OSBPL10: variants seen among roughly 807,000 people sequenced by gnomAD.
OSBPL10 encodes oxysterol-binding protein-related protein 10.
OSBPL10 carries 49 observed loss-of-function variants against 81.7 expected under a neutral mutation model. The observed-to-expected ratio is 0.60, with a 90% CI of 0.48 to 0.76. The LOEUF (loss-of-function observed/expected upper bound fraction) is 0.76. OSBPL10 is among the 30% of genes least tolerant of loss of function. The probability of loss-of-function intolerance (pLI) is 0.00; values close to 1 mark genes in which losing one functional copy is unlikely to be tolerated. For synonymous variants in OSBPL10, 419 were observed against 383.6 expected, an observed-to-expected ratio of 1.09 and a Z score of -1.08; for missense variants, 923 against 987.8, an observed-to-expected ratio of 0.93 and a Z score of 0.88.
At chr3:31,669,979 A>T (rs1452247349) in intron 9 of OSBPL10, among the ~76,000 whole-genome samples, 1 of 152,182 alleles carries the variant, frequency 6.6e-6, no homozygotes, top group Non-Finnish European at 1.5e-5. Flanking sequence ...TAACAACTGG[A>T]TCTCTAAAAG....
At chr3:31,765,903 G>C (rs1388711896) in intron 4 of OSBPL10, among the ~76,000 whole-genome samples, 1 of 152,086 alleles carries the variant, frequency 6.6e-6, no homozygotes, top group African/African-American at 2.4e-5. Flanking sequence ...AAGGAGAAGG[G>C]GATTTGTTGC....
intron 7 of OSBPL10, among the ~76,000 whole-genome samples, chr3:31,688,960 G>T (rs1330680381): frequency 6.6e-6 from 1 of 152,140 alleles, no homozygotes; most frequent in African/African-American, 2.4e-5. Flanking sequence ...CCTCCAGGAT[G>T]GGCCTTCAAA....
intron 1 of OSBPL10, among the ~76,000 whole-genome samples, chr3:31,882,449 C>T (rs1187318755): frequency 2.0e-5 from 3 of 152,174 alleles, no homozygotes; most frequent in Admixed American, 2.0e-4. Flanking sequence ...ATCTTGGGCC[C>T]CACCCAAGCC....
At chr3:31,926,294 C>CCCCCCCCG (rs946865908) in intron 1 of OSBPL10, among the ~76,000 whole-genome samples, 1 of 148,030 alleles carries the variant, frequency 6.8e-6, no homozygotes, top group East Asian at 2.0e-4. Flanking sequence ...ATTTTGCCCC[C>CCCCCCCCG]CCAGAGGATA....
chr3:31,920,593 G>A (rs1696885967), intron 1 of OSBPL10, among the ~76,000 whole-genome samples: 1 of 152,198 alleles, frequency 6.6e-6, no homozygotes, highest in African/African-American at 2.4e-5. Context: ...TAAGTAGATG[G>A]ATGGTAGATG....
rs1700844986 is a variant in OSBPL10 at position 31,688,277 on chromosome 3, T to A, written c.1246-4163A>T. On this transcript the variant is annotated intron_variant, in intron 7 of 11. Transcript: ENST00000396556. ...CCCTCCCTGCACAAATCTCTCTCTCTCTCTCTCACACACACACACACACAC... is the reference window on the plus strand; with the variant it reads ...CCCTCCCTGCACAAATCTCTCTCTCACTCTCTCACACACACACACACACAC... Among the ~76,000 whole-genome samples the A allele has an allele frequency of 6.5e-5, 5 of 77,046 alleles. 1 individual carries two copies. Among genetic ancestry groups the A allele is most frequent in the African/African-American group, 1.7e-4 (5 of 28,798 alleles). The allele number at this position is 77,046 out of a possible 152,430, so 50.5% of individuals were successfully genotyped here.
intron 1 of OSBPL10, among the ~76,000 whole-genome samples, chr3:31,947,223 G>T (rs1267381290): frequency 6.6e-6 from 1 of 152,142 alleles, no homozygotes; most frequent in African/African-American, 2.4e-5. Context: ...GTGAGTAGGG[G>T]AGACATAGAG....
intron 7 of OSBPL10, among the ~76,000 whole-genome samples, chr3:31,698,670 A>T (rs530147756): frequency 6.6e-6 from 1 of 152,070 alleles, no homozygotes; most frequent in South Asian, 2.1e-4. Flanking sequence ...AATGCCAAAC[A>T]AGGTCCATCT....
At chr3:32,031,052 C>G (rs1699461500) in intron 2 of OSBPL10, among the ~76,000 whole-genome samples, 2 of 151,700 alleles carry the variant, frequency 1.3e-5, no homozygotes, top group Admixed American at 1.3e-4. Flanking sequence ...CCTGTAATCC[C>G]AGTTACTGGA....
At chr3:31,665,203 T>A (rs1351652854) in intron 10 of OSBPL10, among the ~76,000 whole-genome samples, 4 of 152,122 alleles carry the variant, frequency 2.6e-5, no homozygotes, top group Admixed American at 1.3e-4. Context: ...TCAGACACAC[T>A]CTGTTCTAGA....
chr3:32,071,060 C>T (rs1265829424), intron 1 of OSBPL10, among the ~76,000 whole-genome samples: 1 of 152,142 alleles, frequency 6.6e-6, no homozygotes, highest in Non-Finnish European at 1.5e-5. Flanking sequence ...ACTTTGTAGC[C>T]CCTCCTTTGA....
chr3:31,798,544 G>A (rs908132965), intron 4 of OSBPL10, among the ~76,000 whole-genome samples: 6 of 151,672 alleles, frequency 4.0e-5, no homozygotes, highest in Non-Finnish European at 4.4e-5. Flanking sequence ...TAATATTTTG[G>A]ATATGAGTTA....
At chr3:31,889,334 G>T (rs1695828157) in intron 1 of OSBPL10, among the ~76,000 whole-genome samples, 1 of 152,152 alleles carries the variant, frequency 6.6e-6, no homozygotes, top group African/African-American at 2.4e-5. Flanking sequence ...GTGTATTGAA[G>T]AGACATCTGC....
At chr3:31,882,581 C>T (rs1417671775) in intron 1 of OSBPL10, among the ~76,000 whole-genome samples, 4 of 152,242 alleles carry the variant, frequency 2.6e-5, no homozygotes, top group African/African-American at 9.6e-5. Context: ...GAAGCCACAT[C>T]CAGAACACAT....
intron 1 of OSBPL10, among the ~76,000 whole-genome samples, chr3:31,925,335 T>C (rs1260915505): frequency 6.6e-6 from 1 of 152,042 alleles, no homozygotes; most frequent in East Asian, 1.9e-4. Context: ...CCTAACCTTA[T>C]CTCCAGCCAT....
chr3:31,670,938 A>C lies in OSBPL10; in HGVS notation c.1772T>G (p.Leu591Arg). The change falls in exon 9 of 12, where the codon CTG becomes CGG. Residue 591 changes from leucine (L) to arginine (R), a missense_variant. Coordinates refer to ENST00000396556, the MANE Select transcript of OSBPL10 (RefSeq NM_017784.5). ...AATGGACCGGGCGTAGGCACTAGGCAGGGTGAATACGTACTCCTCCCCGTG... is the reference window on the plus strand; with the variant it reads ...AATGGACCGGGCGTAGGCACTAGGCCGGGTGAATACGTACTCCTCCCCGTG... ...LEHGEEYVFT[L>R]PSAYARSILT... The C allele has an allele frequency of 6.2e-7, 1 of 1,614,092 alleles. No homozygotes were observed. The highest frequency in any genetic ancestry group is 8.5e-7 in the Non-Finnish European group (1 of 1,179,964).
At chr3:32,012,023 G>T (rs1157173507) in intron 2 of OSBPL10, among the ~76,000 whole-genome samples, 1 of 152,196 alleles carries the variant, frequency 6.6e-6, no homozygotes, top group Admixed American at 6.5e-5. Flanking sequence ...CACTCTGCAG[G>T]ATATTATCCA....
rs1238265625 is a variant in OSBPL10 at position 31,668,823 on chromosome 3, C to T, written c.1915G>A (p.Val639Ile). 1 of 1,602,564 alleles carries T rather than the reference C, an allele frequency of 6.2e-7. No individual in the cohort carries two copies. Among genetic ancestry groups the T allele is most frequent in the Admixed American group, 1.7e-5 (1 of 59,558 alleles). The change falls in exon 10 of 12, where the codon GTT (valine) becomes ATT (isoleucine). Residue 639 changes from valine to isoleucine, a missense_variant and splice_region_variant. Coordinates refer to ENST00000396556, the MANE Select transcript of OSBPL10 (RefSeq NM_017784.5). ...GGGTTGTGCTTCACTTCTGCGGTAA[C>T]CCTGAATTAATGAGTCAAATGAGTA... ...KPFYGGKVHR[V>I]TAEVKHNPTN...
chr3:31,777,244 T>C (rs1214217939), intron 4 of OSBPL10, among the ~76,000 whole-genome samples: 1 of 152,150 alleles, frequency 6.6e-6, no homozygotes, highest in Non-Finnish European at 1.5e-5. Context: ...CAGGAAATAA[T>C]GAACAGCAGT....
Sources: gnomAD v4.1 joint callset for allele counts (sites outside exome capture counted in the v4.1 genomes callset) on GRCh38, gnomAD v4.1.1 for gene constraint, MANE v1.5 for transcripts, NCBI Gene and HGNC (gene_info 2026-07-23, HGNC 2026-07-21) for gene names.